PDZRN3: variants seen among roughly 807,000 people sequenced by gnomAD.
PDZRN3 encodes the protein PDZ domain containing ring finger 3.
Under a neutral mutation model 85.7 loss-of-function variants are expected in PDZRN3, and 38 were observed. That is an observed-to-expected ratio of 0.44 (90% CI 0.34 to 0.58). The LOEUF (loss-of-function observed/expected upper bound fraction) is 0.58. Ranked by LOEUF, PDZRN3 falls within the 20% of genes least tolerant of loss-of-function variation. The pLI is 0.01. For missense variants in PDZRN3, 1,629 were observed against 1,506.4 expected, an observed-to-expected ratio of 1.08 and a Z score of -1.35; for synonymous variants, 759 against 638.0, an observed-to-expected ratio of 1.19 and a Z score of -2.86.
chr3:73,621,489 AG>A (rs1281520020), intron 1 of PDZRN3, among the ~76,000 whole-genome samples: 1 of 152,242 alleles, frequency 6.6e-6, no homozygotes, highest in Admixed American at 6.5e-5. Context: ...AACAGTACCC[AG>A]CAGGAGCAGA....
intron 3 of PDZRN3, among the ~76,000 whole-genome samples, chr3:73,427,432 C>T (rs1280331789): frequency 1.3e-5 from 2 of 152,054 alleles, no homozygotes; most frequent in Non-Finnish European, 2.9e-5. Flanking sequence ...TGTGCATTAC[C>T]CACCCCCCCA....
intron 3 of PDZRN3, among the ~76,000 whole-genome samples, chr3:73,532,627 T>C (rs1310763120): frequency 6.6e-6 from 1 of 152,186 alleles, no homozygotes; most frequent in African/African-American, 2.4e-5. Flanking sequence ...AGCAGCAGGA[T>C]TGGAACTTGG....
chr3:73,576,825 A>C (rs528081346), intron 3 of PDZRN3, among the ~76,000 whole-genome samples: 50 of 152,228 alleles, frequency 3.3e-4, no homozygotes, highest in Non-Finnish European at 6.2e-4. Flanking sequence ...TAGACAAAGA[A>C]GTCAAAGTCT....
chr3:73,612,483 AGAATGTCTATTATACCCT>A (rs1179626444), intron 1 of PDZRN3, among the ~76,000 whole-genome samples: 1 of 152,234 alleles, frequency 6.6e-6, no homozygotes, highest in Non-Finnish European at 1.5e-5. Flanking sequence ...GCAAAGATTA[AGAATGTCTATTATACCCT>A]GAAAAGTATA....
chr3:73,404,657 C>T, intron 3 of PDZRN3: 1 of 401,682 alleles, frequency 2.5e-6, no homozygotes, highest in Admixed American at 4.2e-5. Context: ...GTCTTTAACA[C>T]AATTTCATCA....
Position 73,569,641 on chromosome 3 carries a change from A to C in PDZRN3, c.918+32713T>G, listed in dbSNP as rs1183380982. ...CCTGTGTCTGGGGTCTTCTCCAGGC[A>C]GGACCTGAGGTTACCTTTCTCTTCC... On this transcript the variant is annotated intron_variant, in intron 3 of 9. Transcript: ENST00000263666. 3.3e-6 allele frequency: 3 copies of C among 907,532 alleles called. No homozygotes were observed. The East Asian group carries it at 3.5e-4, about 107-fold the overall frequency. 56.2% of individuals were successfully genotyped at this position (907,532 alleles called of 1,614,324 possible). A position where few individuals can be genotyped will look rare whatever the true frequency, so the allele number is the denominator to read the frequency against.
intron 3 of PDZRN3, 81 bp downstream of exon 3, chr3:73,602,273 C>A (rs931077864): frequency 2.6e-6 from 2 of 774,946 alleles, no homozygotes; most frequent in East Asian, 2.5e-5. Context: ...CCTCCCTCCC[C>A]AGTCAAACAT....
chr3:73,621,234 TAACA>T (rs1702856182), intron 1 of PDZRN3, among the ~76,000 whole-genome samples: 1 of 152,198 alleles, frequency 6.6e-6, no homozygotes, highest in South Asian at 2.1e-4. Context: ...GGTACAGCAC[TAACA>T]AACCCTAAGC....
rs376501218 is a variant in PDZRN3 at position 73,383,573 on chromosome 3, C to T, written c.2993G>A (p.Ser998Asn). The change falls in exon 10 of 10, where the codon AGC becomes AAC. Residue 998 changes from serine to asparagine, a missense_variant. Physicochemically the swap from Ser to Asn is conservative, Grantham distance 46 (BLOSUM62 1). Transcript: ENST00000263666. ...CTGCTCCTTGAGACAATCCAACCTG[C>T]TCTGCATCATGAACTCGCGCCGCCG... ...QRRRREFMMQSRLDCLKEQQA... is the reference protein window; with the variant it reads ...QRRRREFMMQNRLDCLKEQQA... The T allele has an allele frequency of 6.9e-5, 112 of 1,614,188 alleles. No individual in the cohort carries two copies. The South Asian group carries it at 1.0e-3, about 14-fold the overall frequency.
intron 4 of PDZRN3, chr3:73,401,771 C>T (rs1701754688): frequency 6.6e-6 from 1 of 152,170 alleles, no homozygotes; most frequent in Non-Finnish European, 1.5e-5. Context: ...TAACATACTC[C>T]ATCAGCAGCT....
intron 3 of PDZRN3, among the ~76,000 whole-genome samples, chr3:73,533,502 T>C (rs1027183773): frequency 6.6e-6 from 1 of 152,186 alleles, no homozygotes; most frequent in African/African-American, 2.4e-5. Context: ...ATTGAAAACA[T>C]ATCTATCCAT....
intron 3 of PDZRN3, among the ~76,000 whole-genome samples, chr3:73,496,548 C>A (rs192386429): frequency 7.3e-6 from 1 of 137,806 alleles, no homozygotes. Context: ...TAATTTATAA[C>A]GTATTTCTAA....
intron 3 of PDZRN3, among the ~76,000 whole-genome samples, chr3:73,575,097 T>C (rs975626621): frequency 5.3e-5 from 8 of 152,206 alleles, no homozygotes; most frequent in African/African-American, 1.9e-4. Flanking sequence ...ATCACAAAAA[T>C]TAGTATTTCT....
At chr3:73,509,533 T>G (rs1704126593) in intron 3 of PDZRN3, among the ~76,000 whole-genome samples, 1 of 152,192 alleles carries the variant, frequency 6.6e-6, no homozygotes, top group African/African-American at 2.4e-5. Flanking sequence ...CCCAGTGCTA[T>G]GGCTCAAAGG....
At chr3:73,546,063 G>A (rs1701416144) in intron 3 of PDZRN3, among the ~76,000 whole-genome samples, 1 of 152,144 alleles carries the variant, frequency 6.6e-6, no homozygotes, top group African/African-American at 2.4e-5. Flanking sequence ...TGGGCCTCCT[G>A]TGTCTTATTC....
At chr3:73,506,895 CAAA>C (rs11354960) in intron 3 of PDZRN3, among the ~76,000 whole-genome samples, 7 of 131,450 alleles carry the variant, frequency 5.3e-5, no homozygotes, top group Admixed American at 7.6e-5. Flanking sequence ...GACCATGTCT[CAAA>C]AAAAAAAAAA....
intron 3 of PDZRN3, among the ~76,000 whole-genome samples, chr3:73,497,623 G>A (rs1471315387): frequency 1.3e-5 from 2 of 152,308 alleles, no homozygotes; most frequent in East Asian, 1.9e-4. Flanking sequence ...AGAGGACAGC[G>A]TCCTGAAACT....
intron 3 of PDZRN3, among the ~76,000 whole-genome samples, chr3:73,573,030 G>T (rs1702066898): frequency 6.6e-6 from 1 of 152,196 alleles, no homozygotes; most frequent in Non-Finnish European, 1.5e-5. Context: ...TTATCTCAGA[G>T]CCTCTAATAA....
intron 4 of PDZRN3, among the ~76,000 whole-genome samples, chr3:73,403,767 G>C (rs1194803299): frequency 6.6e-6 from 1 of 152,266 alleles, no homozygotes; most frequent in Non-Finnish European, 1.5e-5. Context: ...AACCTCCAGG[G>C]CTCTCTTGAC....
Sources: gnomAD v4.1 joint callset for allele counts (sites outside exome capture counted in the v4.1 genomes callset) on GRCh38, gnomAD v4.1.1 for gene constraint, MANE v1.5 for transcripts, NCBI Gene and HGNC (gene_info 2026-07-23, HGNC 2026-07-21) for gene names.